The following RUBCN variants were observed in gnomAD, a reference collection of about 807,000 sequenced individuals.
The protein encoded by RUBCN is run domain Beclin-1-interacting and cysteine-rich domain-containing protein.
Under a neutral mutation model 113.2 loss-of-function variants are expected in RUBCN, and 74 were observed. That is an observed-to-expected ratio of 0.65 (90% CI 0.54 to 0.79). The LOEUF is 0.79. Ranked by LOEUF, RUBCN falls within the 30% of genes least tolerant of loss-of-function variation. The pLI, the probability that RUBCN is intolerant of heterozygous loss-of-function variation, is 0.00. For missense variants in RUBCN, 1,109 were observed against 1,251.7 expected, an observed-to-expected ratio of 0.89 and a Z score of 1.72; for synonymous variants, 480 against 490.0, an observed-to-expected ratio of 0.98 and a Z score of 0.27.
intron 1 of RUBCN, 73 bp from the exon 2 acceptor site, chr3:197,718,203 C>G: frequency 6.3e-7 from 1 of 1,575,158 alleles, no homozygotes; most frequent in Non-Finnish European, 8.7e-7. Flanking sequence ...CAAAGAAAGT[C>G]TAAGCCGAGG....
intron 1 of RUBCN, among the ~76,000 whole-genome samples, chr3:197,742,440 C>T (rs1163780124): frequency 6.6e-6 from 1 of 152,024 alleles, no homozygotes; most frequent in Non-Finnish European, 1.5e-5. Context: ...TTTCAGTGAG[C>T]CGAGATCCCA....
chr3:197,715,195 A>G (rs1364133626), intron 2 of RUBCN, among the ~76,000 whole-genome samples: 1 of 150,796 alleles, frequency 6.6e-6, no homozygotes, highest in African/African-American at 2.4e-5. Context: ...AGGCTGAGGC[A>G]GGAGAATCGC....
chr3:197,739,030 G>A (rs973177141), upstream of RUBCN, among the ~76,000 whole-genome samples: 1 of 151,378 alleles, frequency 6.6e-6, no homozygotes, highest in Admixed American at 6.6e-5. Flanking sequence ...GCAATGGCGC[G>A]ATCGGGTTCA....
intron 7 of RUBCN, among the ~76,000 whole-genome samples, chr3:197,698,462 C>A (rs1276775267): frequency 1.3e-5 from 2 of 151,606 alleles, no homozygotes; most frequent in African/African-American, 4.9e-5. Context: ...AGGAAACAGA[C>A]TGAAATAACT....
Position 197,675,747 on chromosome 3 carries a change from G to A in RUBCN, c.2647-232C>T, listed in dbSNP as rs1455979653. On this transcript the variant is annotated intron_variant, in intron 18 of 19. Transcript: ENST00000296343. This position sits in a 1 kb window ranked among gnomAD's most constrained non-coding sequence, Gnocchi z 4.4. ...CCAGCCGGAGAAGCTCCGACCCCCAGCGCGGCTCTCCATGAAGAGAGGAGA... is the reference window on the plus strand; with the variant it reads ...CCAGCCGGAGAAGCTCCGACCCCCAACGCGGCTCTCCATGAAGAGAGGAGA... 6.7e-6 allele frequency among the ~76,000 whole-genome samples: 1 copy of A among 150,346 alleles called. No homozygotes were observed. Among genetic ancestry groups the A allele is most frequent in the Admixed American group, 6.6e-5 (1 of 15,188 alleles).
intron 1 of RUBCN, among the ~76,000 whole-genome samples, chr3:197,728,461 G>C (rs1353953053): frequency 6.6e-6 from 1 of 152,116 alleles, no homozygotes; most frequent in East Asian, 1.9e-4. Context: ...TAATCAAACA[G>C]GGACGGGAAA....
intron 11 of RUBCN, among the ~76,000 whole-genome samples, chr3:197,687,494 TG>T (rs1482136076): frequency 2.0e-5 from 3 of 152,218 alleles, no homozygotes; most frequent in Non-Finnish European, 4.4e-5. Flanking sequence ...CTTTGCCAGC[TG>T]GCATGATGTG....
chr3:197,701,202 A>G, intron 6 of RUBCN, 56 bp from the exon 7 acceptor site: 3 of 1,413,394 alleles, frequency 2.1e-6, no homozygotes, highest in South Asian at 1.4e-5. Flanking sequence ...ATCCTGCAGT[A>G]TGTATGAAGG....
At chr3:197,748,821 C>T (rs1283091843) in intron 1 of RUBCN, among the ~76,000 whole-genome samples, 1 of 152,178 alleles carries the variant, frequency 6.6e-6, no homozygotes, top group Non-Finnish European at 1.5e-5. Context: ...GTAAATGTGT[C>T]ATTGGTGTTG....
chr3:197,692,409 A>T (rs1002990185), intron 11 of RUBCN, among the ~76,000 whole-genome samples: 4 of 151,928 alleles, frequency 2.6e-5, no homozygotes, highest in East Asian at 3.9e-4. Context: ...AGTTCTGGGC[A>T]TCATTCAAGC....
Position 197,704,702 on chromosome 3 carries a change from C to G in RUBCN, c.304-1G>C. 1 of 1,613,564 alleles carries G rather than the reference C, an allele frequency of 6.2e-7. No homozygotes were observed. The highest frequency in any genetic ancestry group is 8.5e-7 in the Non-Finnish European group (1 of 1,179,966). On this transcript the variant is annotated splice_acceptor_variant, in intron 3 of 19. Coordinates refer to ENST00000296343, the MANE Select transcript of RUBCN (RefSeq NM_014687.4). LOFTEE classifies it high-confidence loss of function. ...GGTCGTTCTCGTGCACGCTGATGAA[C>G]TGGGAAGCAAAGGGGCATGAGTCAA...
In RUBCN at chr3:197,681,716, C is replaced by T. The variant is rs1485896715; in HGVS notation, c.2191+119G>A. 1.1e-6 allele frequency: 1 copy of T among 873,086 alleles called. No individual in the cohort carries two copies. The highest frequency in any genetic ancestry group is 1.9e-6 in the Non-Finnish European group (1 of 517,920). The allele number at this position is 873,086 out of a possible 1,614,324, so 54.1% of individuals were successfully genotyped here. A position where few individuals can be genotyped will look rare whatever the true frequency, so the allele number is the denominator to read the frequency against. ...TTGCCTACTACGAACCTTTCTTTCT[C>T]CTTCCCTACTTCTGCCACGCCACCT... On this transcript the variant is annotated intron_variant, in intron 15 of 19. Transcript: ENST00000296343. The surrounding 1 kb of genome is among the most constrained non-coding windows in gnomAD (Gnocchi z 5.5).
chr3:197,731,291 C>T (rs1177821560), intron 1 of RUBCN, among the ~76,000 whole-genome samples: 1 of 152,140 alleles, frequency 6.6e-6, no homozygotes, highest in East Asian at 1.9e-4. Context: ...GCACATGTTT[C>T]AGAGAGCACA....
chr3:197,731,447 C>T (rs937559765), intron 1 of RUBCN, among the ~76,000 whole-genome samples: 1 of 152,272 alleles, frequency 6.6e-6, no homozygotes, highest in Non-Finnish European at 1.5e-5. Context: ...CCCCACCTTT[C>T]CCCCGTTTCT....
upstream of RUBCN, among the ~76,000 whole-genome samples, chr3:197,741,523 T>C (rs1728523515): frequency 6.6e-6 from 1 of 152,146 alleles, no homozygotes; most frequent in Admixed American, 6.5e-5. Flanking sequence ...TTAGTAGTGG[T>C]TCATTTATTC....
intron 11 of RUBCN, among the ~76,000 whole-genome samples, chr3:197,690,303 T>C (rs1421091054): frequency 5.3e-5 from 8 of 152,216 alleles, no homozygotes. Context: ...CCAGGTGTGG[T>C]GGCAGCTGCC....
chr3:197,705,012 C>T (rs1724130137), intron 3 of RUBCN, 80 bp downstream of exon 3: 3 of 1,108,912 alleles, frequency 2.7e-6, no homozygotes, highest in Non-Finnish European at 4.1e-6. Flanking sequence ...TCCTTGGAGC[C>T]TAGAAGATTC....
chr3:197,681,247 T>C lies in RUBCN; in HGVS notation c.2312A>G (p.Tyr771Cys). Reference protein sequence around the residue: ...RVLRKWDFSKYYVSNFSKDLL... With the variant: ...RVLRKWDFSKCYVSNFSKDLL... ...GTCCTTGGAGAAGTTGCTGACGTAG[T>C]ACTTGCTGAAGTCCCACTTGCGCAG... Residue 771 changes from tyrosine to cysteine, a missense_variant, in exon 16 of 20, where the codon TAC becomes TGC. Around this residue, in one of 3 missense-constraint regions of RUBCN, gnomAD observed 306 missense variants for 348.9 expected, o/e 0.88. Transcript: ENST00000296343. This position sits in a 1 kb window ranked among gnomAD's most constrained non-coding sequence, Gnocchi z 5.5. The C allele has an allele frequency of 6.2e-7, 1 of 1,614,118 alleles. No individual in the cohort carries two copies. The highest frequency in any genetic ancestry group is 8.5e-7 in the Non-Finnish European group (1 of 1,179,976).
At chr3:197,744,125 T>C (rs981363872) in intron 1 of RUBCN, among the ~76,000 whole-genome samples, 2 of 151,970 alleles carry the variant, frequency 1.3e-5, no homozygotes, top group African/African-American at 4.8e-5. Context: ...TCAATATGAT[T>C]TCTAGATATC....
Sources: gnomAD v4.1 joint callset for allele counts (sites outside exome capture counted in the v4.1 genomes callset) on GRCh38, gnomAD v4.1.1 for gene constraint, gnomAD v4.1.1 regional missense constraint, Gnocchi (gnomAD v3.1) non-coding constraint, MANE v1.5 for transcripts, NCBI Gene and HGNC (gene_info 2026-07-23, HGNC 2026-07-21) for gene names.